Variants in GPCPD1 observed in about 807,000 individuals in gnomAD.
GPCPD1 encodes the protein glycerophosphocholine phosphodiesterase 1.
In GPCPD1, 29 loss-of-function variants were observed where a neutral mutation model predicts 89.2. The ratio of observed to expected loss-of-function variants is 0.33; its 90% CI spans 0.24 to 0.44. The LOEUF is 0.44. Among genes scored for constraint, GPCPD1 ranks in the 20% least tolerant of loss-of-function variants. GPCPD1 has a pLI of 1.00. For missense variants in GPCPD1, 594 were observed against 808.9 expected (o/e 0.73, Z 3.22); for synonymous variants, 258 against 266.3 (o/e 0.97, Z 0.30).
At chr20:5,590,110 G>GT (rs11480339) in intron 4 of GPCPD1, among the ~76,000 whole-genome samples, 4,137 of 152,212 alleles carry the variant, frequency 0.027, 196 homozygotes, top group African/African-American at 0.095. Context: ...TTGGAAGTTT[G>GT]TTTTTTAACA....
intron 1 of GPCPD1, among the ~76,000 whole-genome samples, chr20:5,606,242 T>C (rs1980575888): frequency 6.6e-6 from 1 of 152,004 alleles, no homozygotes; most frequent in Non-Finnish European, 1.5e-5. Context: ...ACATACTCCA[T>C]CCAAAGACAC....
chr20:5,554,600 T>C (rs1855281277), intron 19 of GPCPD1, among the ~76,000 whole-genome samples: 1 of 152,210 alleles, frequency 6.6e-6, no homozygotes, highest in Non-Finnish European at 1.5e-5. Context: ...AGTTGAGACG[T>C]ACGGCTCAGG....
chr20:5,579,721 T>C (rs1391144701), intron 7 of GPCPD1, among the ~76,000 whole-genome samples: 2 of 152,198 alleles, frequency 1.3e-5, no homozygotes, highest in Non-Finnish European at 2.9e-5. Flanking sequence ...CAACAAACTA[T>C]TGCTACACTA....
chr20:5,601,785 T>C (rs1051766517), intron 2 of GPCPD1, among the ~76,000 whole-genome samples: 2 of 152,152 alleles, frequency 1.3e-5, no homozygotes, highest in Non-Finnish European at 2.9e-5. Flanking sequence ...TTGGAAAAAG[T>C]AAAATGGGGA....
intron 19 of GPCPD1, among the ~76,000 whole-genome samples, chr20:5,556,466 G>A (rs1332390118): frequency 1.3e-5 from 2 of 152,130 alleles, no homozygotes; most frequent in African/African-American, 2.4e-5. Flanking sequence ...AGCCTCCCAA[G>A]GTGCTGGGAT....
rs1280572865 is a variant in GPCPD1 at position 5,567,571 on chromosome 20, AAAAAAAAGAAAGAAAG to A, written c.1150-27_1150-12del. The A allele has an allele frequency of 9.7e-6, 15 of 1,550,030 alleles. No homozygotes were observed. The highest frequency in any genetic ancestry group is 1.3e-5 in the Non-Finnish European group (15 of 1,155,180). ...ATCAGCATCAAATTTCTAAAAAAAA[AAAAAAAAGAAAGAAAG>A]AAAAAGAAAGAATAAAGAAAATTAA... On this transcript the variant is annotated splice_polypyrimidine_tract_variant and intron_variant, in intron 12 of 19. Coordinates refer to ENST00000379019, the MANE Select transcript of GPCPD1 (RefSeq NM_019593.5).
intron 1 of GPCPD1, among the ~76,000 whole-genome samples, chr20:5,604,879 G>A (rs1037029684): frequency 6.6e-6 from 1 of 151,666 alleles, no homozygotes; most frequent in African/African-American, 2.4e-5. Flanking sequence ...CTTTAGCACA[G>A]GATGTTGAGG....
intron 19 of GPCPD1, among the ~76,000 whole-genome samples, chr20:5,556,821 C>A (rs746391766): frequency 2.0e-5 from 3 of 152,226 alleles, no homozygotes; most frequent in Non-Finnish European, 2.9e-5. Context: ...AACAGCCTTG[C>A]CCTCCTCATG....
intron 1 of GPCPD1, among the ~76,000 whole-genome samples, chr20:5,606,515 T>C (rs527368931): frequency 1.3e-5 from 2 of 152,296 alleles, no homozygotes; most frequent in South Asian, 4.1e-4. Context: ...CTACACACAA[T>C]TAACCACACT....
chr20:5,557,015 G>A (rs1278659163), intron 19 of GPCPD1, among the ~76,000 whole-genome samples: 2 of 152,240 alleles, frequency 1.3e-5, no homozygotes, highest in African/African-American at 4.8e-5. Flanking sequence ...AGTTATTCAA[G>A]AAAGTCCTCA....
Position 5,560,072 on chromosome 20 carries a change from C to A in GPCPD1, c.1400G>T (p.Gly467Val). 6.5e-7 allele frequency: 1 copy of A among 1,550,236 alleles called. No individual in the cohort carries two copies. The highest frequency in any genetic ancestry group is 1.4e-5 in the African/African-American group (1 of 71,574). ...TGTTGATAAGTTACCATCCCACATTCCATCCTAGTGAAAGAGAAAGCAAAA... is the reference window on the plus strand; with the variant it reads ...TGTTGATAAGTTACCATCCCACATTACATCCTAGTGAAAGAGAAAGCAAAA... ...EIKWICQQRD[G>V]MWDGNLSTYF... The change falls in exon 17 of 20, where the codon GGA (glycine) becomes GTA (valine). Residue 467 changes from glycine to valine, a missense_variant. Gly to Val is a moderately radical substitution (Grantham distance 109, BLOSUM62 -3). Coordinates refer to ENST00000379019, the MANE Select transcript of GPCPD1 (RefSeq NM_019593.5).
chr20:5,572,318 C>T (rs1343967719), intron 11 of GPCPD1, among the ~76,000 whole-genome samples: 1 of 152,072 alleles, frequency 6.6e-6, no homozygotes. Context: ...ATATTTTCAA[C>T]AGAAAGATAA....
intron 1 of GPCPD1, among the ~76,000 whole-genome samples, chr20:5,609,973 G>A (rs548280484): frequency 2.6e-5 from 4 of 152,196 alleles, no homozygotes; most frequent in Admixed American, 6.5e-5. Context: ...GAAATGGGAG[G>A]AGGCGACAGA....
chr20:5,566,145 A>G (rs1986385071), intron 14 of GPCPD1, among the ~76,000 whole-genome samples: 1 of 152,188 alleles, frequency 6.6e-6, no homozygotes, highest in African/African-American at 2.4e-5. Flanking sequence ...ACAGATAAAC[A>G]CCTATATCTA....
intron 19 of GPCPD1, among the ~76,000 whole-genome samples, chr20:5,551,708 T>C (rs896952751): frequency 3.9e-5 from 6 of 152,056 alleles, no homozygotes; most frequent in African/African-American, 1.4e-4. Flanking sequence ...TGAACCCAGG[T>C]TGCAGTGAGC....
chr20:5,552,686 G>C (rs10470067), intron 19 of GPCPD1, among the ~76,000 whole-genome samples: 2,635 of 152,290 alleles, frequency 0.017, 72 homozygotes, highest in African/African-American at 0.061. Flanking sequence ...ATGCTGAAGA[G>C]CGCTATGCGT....
chr20:5,590,602 G>A (rs1979263364), intron 4 of GPCPD1, among the ~76,000 whole-genome samples: 1 of 148,408 alleles, frequency 6.7e-6, no homozygotes, highest in African/African-American at 2.5e-5. Context: ...CTAGGCATGA[G>A]TAAAGCAAAG....
chr20:5,581,123 T>C (rs1978449572), intron 6 of GPCPD1, among the ~76,000 whole-genome samples: 1 of 152,032 alleles, frequency 6.6e-6, no homozygotes, highest in Non-Finnish European at 1.5e-5. Context: ...GTGATCTGCC[T>C]TCCTCAGGCC....
chr20:5,567,479 C>G lies in GPCPD1; in HGVS notation c.1227+4G>C, dbSNP rs759970362. The G allele has an allele frequency of 6.4e-7, 1 of 1,559,170 alleles. No individual in the cohort carries two copies. The highest frequency in any genetic ancestry group is 2.3e-5 in the East Asian group (1 of 43,584). ...TAATTTACATTTCATGTTATTATTA[C>G]TACCTTTAACAACTGGAGTTGGTCA... On this transcript the variant is annotated splice_donor_region_variant and intron_variant, in intron 13 of 19. Coordinates refer to ENST00000379019, the MANE Select transcript of GPCPD1 (RefSeq NM_019593.5).
Sources: allele counts gnomAD v4.1 joint callset (sites outside exome capture counted in the v4.1 genomes callset), GRCh38; gene constraint gnomAD v4.1.1; transcripts MANE v1.5; gene names NCBI Gene and HGNC (gene_info 2026-07-23, HGNC 2026-07-21).